Variants in PLXNA2 observed in about 807,000 individuals in gnomAD.
PLXNA2 encodes the protein plexin A2.
A neutral mutation model predicts 193.5 loss-of-function variants in PLXNA2; 91 were observed. That is an observed-to-expected ratio of 0.47 (90% CI 0.40 to 0.56). The LOEUF (loss-of-function observed/expected upper bound fraction) is 0.56, where lower values mean the gene tolerates loss of function less well. Among genes scored for constraint, PLXNA2 ranks in the 20% least tolerant of loss-of-function variants. PLXNA2 has a pLI of 0.00. For missense variants in PLXNA2, 1,995 were observed against 2,503.2 expected, an observed-to-expected ratio of 0.80 and a Z score of 4.33; for synonymous variants, 997 against 1,027.3, an observed-to-expected ratio of 0.97 and a Z score of 0.56.
intron 3 of PLXNA2, among the ~76,000 whole-genome samples, chr1:208,199,779 T>A (rs1319968790): frequency 6.6e-6 from 1 of 152,098 alleles, no homozygotes; most frequent in Admixed American, 6.5e-5. Context: ...CAGTCTTGCC[T>A]CCGTGGGTAA....
At chr1:208,210,836 G>T (rs1235991734) in intron 2 of PLXNA2, among the ~76,000 whole-genome samples, 1 of 152,192 alleles carries the variant, frequency 6.6e-6, no homozygotes, top group Non-Finnish European at 1.5e-5. Context: ...TCAGACAAGA[G>T]TTCCTTCAGT....
At chr1:208,207,222 T>C (rs1670759753) in intron 3 of PLXNA2, among the ~76,000 whole-genome samples, 1 of 152,212 alleles carries the variant, frequency 6.6e-6, no homozygotes, top group African/African-American at 2.4e-5. Flanking sequence ...GCCGGGCTGG[T>C]CTTGAACTCC....
intron 5 of PLXNA2, among the ~76,000 whole-genome samples, chr1:208,100,647 G>A (rs543837534): frequency 6.6e-6 from 1 of 152,300 alleles, no homozygotes; most frequent in African/African-American, 2.4e-5. Context: ...TATTCATTGG[G>A]ATATTCTACC....
chr1:208,079,981 T>C (rs768286350), intron 11 of PLXNA2, among the ~76,000 whole-genome samples: 4 of 152,120 alleles, frequency 2.6e-5, no homozygotes, highest in East Asian at 3.9e-4. Context: ...CTTTCCTCCA[T>C]TGAAGGAAAA....
intron 3 of PLXNA2, among the ~76,000 whole-genome samples, chr1:208,196,352 A>C (rs184854456): frequency 1.3e-5 from 2 of 152,352 alleles, no homozygotes; most frequent in East Asian, 3.9e-4. Context: ...AAAAAACAAA[A>C]AAAAAACCAT....
At position 208,217,222 on chromosome 1, in the gene PLXNA2, G is replaced by C. The variant is rs760025946; in HGVS notation, c.701C>G (p.Ala234Gly). The change falls in exon 2 of 32, where the codon GCC becomes GGC. Residue 234 changes from alanine to glycine, a missense_variant. Transcript: ENST00000367033. This position sits in a 1 kb window ranked among gnomAD's most constrained non-coding sequence, Gnocchi z 4.7. ...GAAGATGTCAAAGTGGGAGACCAGGGCCAGGGTGTCTGAAGGGATCTTGAT... is the reference window on the plus strand; with the variant it reads ...GAAGATGTCAAAGTGGGAGACCAGGCCCAGGGTGTCTGAAGGGATCTTGAT... The part of the protein sequence containing the change: ...SLIKIPSDTL[A>G]LVSHFDIFYI... 6.2e-7 allele frequency: 1 copy of C among 1,614,196 alleles called. No homozygotes were observed. Among genetic ancestry groups the C allele is most frequent in the Admixed American group, 1.7e-5 (1 of 60,032 alleles).
At chr1:208,066,988 T>C (rs6662281) in intron 12 of PLXNA2, among the ~76,000 whole-genome samples, 72,444 of 152,120 alleles carry the variant, frequency 0.48, 18,001 homozygotes, top group Non-Finnish European at 0.55. Flanking sequence ...AATGTATGTG[T>C]TTTAAGGTAA....
Position 208,025,686 on chromosome 1 carries a change from C to A in PLXNA2, c.*1557G>T, listed in dbSNP as rs190511733. On this transcript the variant is annotated 3_prime_UTR_variant, in exon 32 of 32. Coordinates refer to ENST00000367033, the MANE Select transcript of PLXNA2 (RefSeq NM_025179.4). ...GACACTCACAGAGCGCCTTTCCTCTCGATGACTCCCACTGGCTTCTATGGG... is the reference window on the plus strand; with the variant it reads ...GACACTCACAGAGCGCCTTTCCTCTAGATGACTCCCACTGGCTTCTATGGG... 1 of 152,232 alleles carries A rather than the reference C, an allele frequency of 6.6e-6. No individual in the cohort carries two copies. Among genetic ancestry groups the A allele is most frequent in the Non-Finnish European group, 1.5e-5 (1 of 68,094 alleles). The allele number at this position is 152,232 out of a possible 1,614,324, so 9.4% of individuals were successfully genotyped here. A position where few individuals can be genotyped will look rare whatever the true frequency, so the allele number is the denominator to read the frequency against.
At chr1:208,241,605 T>G (rs1389157833) in intron 1 of PLXNA2, among the ~76,000 whole-genome samples, 1 of 152,224 alleles carries the variant, frequency 6.6e-6, no homozygotes, top group African/African-American at 2.4e-5. Flanking sequence ...TTACCACTGC[T>G]GCTCCTCAGC....
chr1:208,051,489 G>C, intron 15 of PLXNA2, 66 bp from the exon 16 acceptor site: 1 of 1,369,516 alleles, frequency 7.3e-7, no homozygotes, highest in Non-Finnish European at 1.0e-6. Flanking sequence ...CCACTGGCTT[G>C]ACAAGGGGCT....
Position 208,022,736 on chromosome 1 carries a change from T to C in PLXNA2, c.*4507A>G, listed in dbSNP as rs2767567. ...ACTTTGAAATGCAGAAGATGTTTCC[T>C]ACCTTCCTTGAGGCCAGGGTAGGAG... is the stretch of plus-strand genomic sequence containing the variant. On this transcript the variant is annotated 3_prime_UTR_variant, in exon 32 of 32. Transcript: ENST00000367033. 0.92 allele frequency: 141,056 copies of C among 152,508 alleles called. 65,529 individuals are homozygous for C. Among genetic ancestry groups the C allele is most frequent in the Non-Finnish European group, 0.97 (66,074 of 68,036 alleles). The allele number at this position is 152,508 out of a possible 1,614,324, so 9.4% of individuals were successfully genotyped here.
intron 9 of PLXNA2, among the ~76,000 whole-genome samples, chr1:208,088,655 A>G (rs986883336): frequency 1.3e-4 from 20 of 152,256 alleles, no homozygotes; most frequent in African/African-American, 4.8e-4. Flanking sequence ...AGTGCTGGAA[A>G]GGTCTGACTC....
chr1:208,124,118 T>C (rs952622303), intron 4 of PLXNA2, among the ~76,000 whole-genome samples: 1 of 151,922 alleles, frequency 6.6e-6, no homozygotes, highest in Non-Finnish European at 1.5e-5. Flanking sequence ...GTTGTCAGAA[T>C]AGAAAACCAA....
chr1:208,174,502 T>C lies in PLXNA2; in HGVS notation c.1372-32039A>G, dbSNP rs1008987262. Among the ~76,000 whole-genome samples, 19 of 151,924 alleles carry C rather than the reference T, an allele frequency of 1.3e-4. 1 individual carries two copies. The highest frequency in any genetic ancestry group is 3.6e-4 in the African/African-American group (15 of 41,400). On this transcript the variant is annotated intron_variant, in intron 3 of 31. Transcript: ENST00000367033. ...TCATCAGCCAGATGTGGAGACCATATGGAGGAGGCAGGCTGGAGGTGTGCA... is the reference window on the plus strand; with the variant it reads ...TCATCAGCCAGATGTGGAGACCATACGGAGGAGGCAGGCTGGAGGTGTGCA...
chr1:208,056,658 G>A (rs1665441098), intron 13 of PLXNA2, among the ~76,000 whole-genome samples: 1 of 152,178 alleles, frequency 6.6e-6, no homozygotes, highest in African/African-American at 2.4e-5. Context: ...AGTGATGACT[G>A]AGAGATGGAT....
intron 3 of PLXNA2, among the ~76,000 whole-genome samples, chr1:208,160,009 C>A (rs900714204): frequency 2.0e-5 from 3 of 152,162 alleles, no homozygotes; most frequent in Non-Finnish European, 4.4e-5. Context: ...TCCAGATGGG[C>A]TATCAGGTTT....
intron 4 of PLXNA2, among the ~76,000 whole-genome samples, chr1:208,113,586 G>T (rs113161246): frequency 0.023 from 2,695 of 114,890 alleles, 81 homozygotes; most frequent in African/African-American, 0.081. Flanking sequence ...GTCTTGCTCT[G>T]TTGCCCAGCC....
chr1:208,211,692 CAA>C (rs10561845), intron 2 of PLXNA2, among the ~76,000 whole-genome samples: 8,215 of 116,306 alleles, frequency 0.071, 309 homozygotes, highest in East Asian at 0.17. Context: ...GACTCCGTCT[CAA>C]AAAAAAAAAA....
chr1:208,122,789 A>G (rs1052494167), intron 4 of PLXNA2, among the ~76,000 whole-genome samples: 1 of 152,168 alleles, frequency 6.6e-6, no homozygotes, highest in Non-Finnish European at 1.5e-5. Context: ...AGATGTACAC[A>G]TTGATGTCAT....
Sources: allele counts gnomAD v4.1 joint callset (sites outside exome capture counted in the v4.1 genomes callset), GRCh38; gene constraint gnomAD v4.1.1; non-coding constraint Gnocchi (gnomAD v3.1); transcripts MANE v1.5; gene names NCBI Gene and HGNC (gene_info 2026-07-23, HGNC 2026-07-21).